DOCK1: variants seen among roughly 807,000 people sequenced by gnomAD.
DOCK1 encodes dedicator of cytokinesis 1, also known as dedicator of cytokinesis protein 1.
A neutral mutation model predicts 262.7 loss-of-function variants in DOCK1; 138 were observed. The observed-to-expected ratio is 0.53, with a 90% CI of 0.46 to 0.61. DOCK1 has a LOEUF of 0.61. DOCK1 is among the 20% of genes least tolerant of loss of function. The probability of loss-of-function intolerance (pLI) is 0.00; values close to 1 mark genes in which losing one functional copy is unlikely to be tolerated. For missense variants in DOCK1, 1,908 were observed against 2,370.7 expected, an observed-to-expected ratio of 0.80 and a Z score of 4.05; for synonymous variants, 866 against 867.4, an observed-to-expected ratio of 1.00 and a Z score of 0.03.
chr10:127,286,546 C>T (rs1021181916), intron 29 of DOCK1, among the ~76,000 whole-genome samples: 1 of 152,138 alleles, frequency 6.6e-6, no homozygotes, highest in African/African-American at 2.4e-5. Context: ...TTTTAACCAT[C>T]GTTCACCTTT....
At position 127,032,284 on chromosome 10, in the gene DOCK1, T is replaced by C. The variant is rs765135339; in HGVS notation, c.1876T>C (p.Ser626Pro). Residue 626 changes from serine to proline, a missense_variant, in exon 18 of 52, where the codon TCC (serine) becomes CCC (proline). Physicochemically the swap from Ser to Pro is moderately conservative, Grantham distance 74. Coordinates refer to ENST00000623213, the MANE Select transcript of DOCK1 (RefSeq NM_001290223.2). ...CATTAGCAAGGACTCCTTCCAGATCTCCACGCTCGTGTGCTCCACCAAACT... is the reference window on the plus strand; with the variant it reads ...CATTAGCAAGGACTCCTTCCAGATCCCCACGCTCGTGTGCTCCACCAAACT... Reference protein sequence around the residue: ...CTISKDSFQISTLVCSTKLTQ... With the variant: ...CTISKDSFQIPTLVCSTKLTQ... 1 of 1,588,020 alleles carries C rather than the reference T, an allele frequency of 6.3e-7. No homozygotes were observed. The highest frequency in any genetic ancestry group is 8.6e-7 in the Non-Finnish European group (1 of 1,168,674).
At chr10:127,258,978 A>G (rs2059919851) in intron 29 of DOCK1, among the ~76,000 whole-genome samples, 1 of 152,232 alleles carries the variant, frequency 6.6e-6, no homozygotes, top group Non-Finnish European at 1.5e-5. Context: ...GGGGCAGCAG[A>G]GACAGATTGG....
At chr10:127,230,338 A>C (rs537831773) in intron 27 of DOCK1, among the ~76,000 whole-genome samples, 2 of 152,224 alleles carry the variant, frequency 1.3e-5, no homozygotes, top group South Asian at 4.1e-4. Flanking sequence ...CCAAAAACTC[A>C]TTGCTCAGAC....
chr10:127,166,175 C>T (rs767259554), intron 27 of DOCK1, among the ~76,000 whole-genome samples: 39 of 152,182 alleles, frequency 2.6e-4, no homozygotes, highest in Admixed American at 6.5e-4. Context: ...ACTCCATTCT[C>T]CTGCCTCAGC....
At chr10:127,430,519 C>T (rs922309141) in intron 47 of DOCK1, among the ~76,000 whole-genome samples, 1 of 152,188 alleles carries the variant, frequency 6.6e-6, no homozygotes, top group Non-Finnish European at 1.5e-5. Context: ...TTGTGTCCTT[C>T]AGTCTTGTGG....
At chr10:127,407,030 C>A (rs1277214889) in intron 40 of DOCK1, among the ~76,000 whole-genome samples, 1 of 149,356 alleles carries the variant, frequency 6.7e-6, no homozygotes, top group African/African-American at 2.5e-5. Context: ...TTTTTTTTTT[C>A]GGGGGGGCGG....
chr10:127,216,382 A>G (rs866402944), intron 27 of DOCK1, among the ~76,000 whole-genome samples: 1 of 151,986 alleles, frequency 6.6e-6, no homozygotes, highest in Non-Finnish European at 1.5e-5. Context: ...ACAGATACTT[A>G]TGGGCAGAGA....
In DOCK1 at chr10:127,093,242, C is replaced by CTTTTCTTTCTTTCTTTCTTTCT. The variant is rs2047679021; in HGVS notation, c.2446-12985_2446-12984insCTTTCTTTCTTTCTTTCTTTTT. On this transcript the variant is annotated intron_variant, in intron 23 of 51. Transcript: ENST00000623213. ...TCTTTTCTTTCTTTCTTTCTTTCTT[C>CTTTTCTTTCTTTCTTTCTTTCT]TTTTTTTTTTTTTTTTTTTTGGAGA... Among the ~76,000 whole-genome samples, 11 of 79,314 alleles carry CTTTTCTTTCTTTCTTTCTTTCT rather than the reference C, an allele frequency of 1.4e-4. No individual in the cohort carries two copies. In the South Asian group the frequency reaches 3.4e-3, roughly 25 times the overall value. The allele number at this position is 79,314 out of a possible 152,430, so 52.0% of individuals were successfully genotyped here. A position where few individuals can be genotyped will look rare whatever the true frequency, so the allele number is the denominator to read the frequency against.
At position 127,415,064 on chromosome 10, in the gene DOCK1, A is replaced by G. The variant is rs2068078145; in HGVS notation, c.4429-88A>G. 2.4e-6 allele frequency: 3 copies of G among 1,249,440 alleles called. No individual in the cohort carries two copies. The Admixed American group carries it at 6.1e-5, about 25-fold the overall frequency. The allele number at this position is 1,249,440 out of a possible 1,614,324, so 77.4% of individuals were successfully genotyped here. On this transcript the variant is annotated intron_variant, in intron 43 of 51. Transcript: ENST00000623213. Reference sequence around the variant, plus strand: ...CTGCTGAAGGACCTGACTCCTTTGGAGTTATTCTATAAATCCCCCTTAGGG... The same window carrying G: ...CTGCTGAAGGACCTGACTCCTTTGGGGTTATTCTATAAATCCCCCTTAGGG...
chr10:127,425,142 C>G (rs1348536829), intron 46 of DOCK1, among the ~76,000 whole-genome samples: 1 of 152,212 alleles, frequency 6.6e-6, no homozygotes, highest in Non-Finnish European at 1.5e-5. Context: ...GAGGAAGCCT[C>G]TTAGCTTGAT....
Position 127,061,675 on chromosome 10 carries a change from G to GA in DOCK1, c.2348dup (p.Asn783LysfsTer6). ...TTGTGTGTTTCTTTGCAGACTGTAT[G>GA]AAAACAAGGGAGAGGCTGACTTCGT... On this transcript the variant is annotated frameshift_variant, in exon 23 of 52. Coordinates refer to ENST00000623213, the MANE Select transcript of DOCK1 (RefSeq NM_001290223.2). LOFTEE classifies it high-confidence loss of function. 1 of 1,596,820 alleles carries GA rather than the reference G, an allele frequency of 6.3e-7. No homozygotes were observed. The highest frequency in any genetic ancestry group is 8.5e-7 in the Non-Finnish European group (1 of 1,171,508).
At chr10:127,272,824 CAAGAG>C (rs934269092) in intron 29 of DOCK1, among the ~76,000 whole-genome samples, 18 of 152,094 alleles carry the variant, frequency 1.2e-4, no homozygotes, top group African/African-American at 4.1e-4. Context: ...CGGTGGCAGA[CAAGAG>C]AAGAGAGCTT....
At chr10:127,361,706 C>T (rs754834376) in intron 32 of DOCK1, among the ~76,000 whole-genome samples, 4 of 152,298 alleles carry the variant, frequency 2.6e-5, no homozygotes, top group East Asian at 1.9e-4. Flanking sequence ...ACCCCCGACT[C>T]GCAGCCCCTG....
chr10:127,186,443 G>A (rs76240246), intron 27 of DOCK1, among the ~76,000 whole-genome samples: 21,508 of 138,710 alleles, frequency 0.16, 1,889 homozygotes, highest in African/African-American at 0.25. Context: ...TAACACATCC[G>A]ATAGACAACC....
At chr10:127,183,304 A>G (rs1333295773) in intron 27 of DOCK1, among the ~76,000 whole-genome samples, 1 of 152,128 alleles carries the variant, frequency 6.6e-6, no homozygotes, top group East Asian at 1.9e-4. Flanking sequence ...AGAGTTGAAG[A>G]TGCAGTCTGT....
rs1188405732 is a variant in DOCK1 at position 127,070,247 on chromosome 10, G to GC, written c.2445+8474dup. Among the ~76,000 whole-genome samples the GC allele has an allele frequency of 2.6e-3, 303 of 115,510 alleles. 1 individual carries two copies. The highest frequency in any genetic ancestry group is 8.3e-3 in the African/African-American group (268 of 32,184). The allele number at this position is 115,510 out of a possible 152,430, so 75.8% of individuals were successfully genotyped here. A position where few individuals can be genotyped will look rare whatever the true frequency, so the allele number is the denominator to read the frequency against. ...TCCCAAGGGTTGGAACTTGAATTTA[G>GC]CCCTTTTTTTTTTTTTTTTTTTTTG... On this transcript the variant is annotated intron_variant, in intron 23 of 51. Coordinates refer to ENST00000623213, the MANE Select transcript of DOCK1 (RefSeq NM_001290223.2).
intron 27 of DOCK1, among the ~76,000 whole-genome samples, chr10:127,128,497 C>T (rs1218424182): frequency 1.3e-5 from 2 of 151,800 alleles, no homozygotes; most frequent in African/African-American, 4.8e-5. Context: ...AGGTTTTAAG[C>T]CCTGCATGCA....
At chr10:127,400,383 G>A (rs1370715604) in intron 38 of DOCK1, among the ~76,000 whole-genome samples, 1 of 152,044 alleles carries the variant, frequency 6.6e-6, no homozygotes, top group East Asian at 1.9e-4. Context: ...CCAGGTCTGG[G>A]GCTTGGCAGT....
intron 27 of DOCK1, among the ~76,000 whole-genome samples, chr10:127,155,266 C>A (rs184098941): frequency 7.2e-5 from 11 of 152,172 alleles, no homozygotes; most frequent in African/African-American, 2.6e-4. Flanking sequence ...TCTGTTACAT[C>A]AACATTTGAC....
Sources: allele counts gnomAD v4.1 joint callset (sites outside exome capture counted in the v4.1 genomes callset), GRCh38; gene constraint gnomAD v4.1.1; transcripts MANE v1.5; gene names NCBI Gene and HGNC (gene_info 2026-07-23, HGNC 2026-07-21).